Variants in ANKRD13B observed in about 807,000 individuals in gnomAD.
ANKRD13B encodes the protein ankyrin repeat domain-containing protein 13B.
In ANKRD13B, 33 loss-of-function variants were observed where a neutral mutation model predicts 74.4. That is an observed-to-expected ratio of 0.44 (90% CI 0.34 to 0.59). ANKRD13B has a LOEUF of 0.59. ANKRD13B is among the 20% of genes least tolerant of loss of function. ANKRD13B has a pLI of 0.02. For missense variants in ANKRD13B, 676 were observed against 877.9 expected (o/e 0.77, Z 2.91); for synonymous variants, 341 against 362.9 (o/e 0.94, Z 0.68).
At chr17:29,594,175 C>G (rs2033871736) in intron 1 of ANKRD13B, 1 of 152,542 alleles carries the variant, frequency 6.6e-6, no homozygotes, top group African/African-American at 2.4e-5. Flanking sequence ...CCAGCCCCAC[C>G]CAGCGCCCTC....
At position 29,612,956 on chromosome 17, in the gene ANKRD13B, C is replaced by T. The variant is rs1477846197; in HGVS notation, c.1645C>T (p.Gln549Ter). Reference sequence around the variant, plus strand: ...CCCCATGTCCTACGAGGGTCGCCGACAGGACAGGTCAGTGCCCGCTGGGCC... The same window carrying T: ...CCCCATGTCCTACGAGGGTCGCCGATAGGACAGGTCAGTGCCCGCTGGGCC... The part of the protein sequence containing the change: ...THPMSYEGRR[Q>*]DRSAPPTPQR... The change falls in exon 14 of 15, where the codon CAG becomes TAG. Residue 549 changes from glutamine to a stop codon, truncating the protein, a stop_gained. Transcript: ENST00000394859. LOFTEE classifies it high-confidence loss of function. This position sits in a 1 kb window ranked among gnomAD's most constrained non-coding sequence, Gnocchi z 6.1. 2 of 1,597,342 alleles carry T rather than the reference C, an allele frequency of 1.3e-6. No homozygotes were observed. The highest frequency in any genetic ancestry group is 1.7e-6 in the Non-Finnish European group (2 of 1,179,390).
At chr17:29,593,793 T>TG (rs1454684559) in intron 1 of ANKRD13B, 58 bp downstream of exon 1, 1 of 1,070,910 alleles carries the variant, frequency 9.3e-7, no homozygotes, top group Non-Finnish European at 1.2e-6. Flanking sequence ...CCGTCCGGCC[T>TG]GGGGAGGGGG....
At chr17:29,600,472 G>A (rs1349175675) in intron 1 of ANKRD13B, among the ~76,000 whole-genome samples, 1 of 152,198 alleles carries the variant, frequency 6.6e-6, no homozygotes, top group African/African-American at 2.4e-5. Context: ...GGGTTTCACG[G>A]ATCACTGGCT....
rs768077242 is a variant in ANKRD13B at position 29,612,603 on chromosome 17, G to T, written c.1411+49G>T. Reference sequence around the variant, plus strand: ...TGCCCCTCGGCTCTCCCCGGGGTGGGTGGGAGGGGCGCGCCCGGCCGTGCC... The same window carrying T: ...TGCCCCTCGGCTCTCCCCGGGGTGGTTGGGAGGGGCGCGCCCGGCCGTGCC... On this transcript the variant is annotated intron_variant, in intron 12 of 14. Transcript: ENST00000394859. The surrounding 1 kb of genome is among the most constrained non-coding windows in gnomAD (Gnocchi z 6.1). The T allele has an allele frequency of 3.3e-6, 5 of 1,510,870 alleles. No homozygotes were observed. The highest frequency in any genetic ancestry group is 4.4e-6 in the Non-Finnish European group (5 of 1,131,942). The allele number at this position is 1,510,870 out of a possible 1,614,324, so 93.6% of individuals were successfully genotyped here.
chr17:29,593,895 A>ATGGGAGTGGGCCCTGCCCGC, intron 1 of ANKRD13B, 160 bp downstream of exon 1: 2 of 315,500 alleles, frequency 6.3e-6, no homozygotes, highest in Non-Finnish European at 5.6e-6. Context: ...GGAAAGGGTG[A>ATGGGAGTGGGCCCTGCCCGC]TCCCCTCCGG....
At position 29,613,417 on chromosome 17, in the gene ANKRD13B, C is replaced by T; in HGVS notation, c.1716C>T (p.Pro572=). Residue 572 remains proline, a synonymous_variant, in exon 15 of 15, where the codon CCC becomes CCT. Transcript: ENST00000394859. ...CGGCGTCAGTGCCCAGCCCTCGGCCCAGCTCAGGGCCAGGTTCCGGCGGCC... is the reference window on the plus strand; with the variant it reads ...CGGCGTCAGTGCCCAGCCCTCGGCCTAGCTCAGGGCCAGGTTCCGGCGGCC... The part of the protein sequence containing the change: ...APPASVPSPR[P]SSGPGSGGHV... 1 of 1,521,246 alleles carries T rather than the reference C, an allele frequency of 6.6e-7. No individual in the cohort carries two copies. The allele number at this position is 1,521,246 out of a possible 1,614,324, so 94.2% of individuals were successfully genotyped here.
chr17:29,605,411 CACAA>C (rs964411946), intron 1 of ANKRD13B, among the ~76,000 whole-genome samples: 121 of 138,014 alleles, frequency 8.8e-4, no homozygotes, highest in African/African-American at 2.8e-3. Context: ...TATATACACA[CACAA>C]ACACACACAC....
At chr17:29,593,820 C>T (rs1281997450) in intron 1 of ANKRD13B, 85 bp downstream of exon 1, 4 of 772,016 alleles carry the variant, frequency 5.2e-6, no homozygotes, top group Non-Finnish European at 7.0e-6. Context: ...GCGGGCTGTC[C>T]CGCCTCCCTG....
At position 29,608,159 on chromosome 17, in the gene ANKRD13B, A is replaced by C; in HGVS notation, c.376-36A>C. 1.2e-6 allele frequency: 2 copies of C among 1,614,142 alleles called. No individual in the cohort carries two copies. The highest frequency in any genetic ancestry group is 1.7e-6 in the Non-Finnish European group (2 of 1,180,004). ...CACGGGAGCCCTTGAGCCCTTCTCC[A>C]GTGCAGACTTAGCCTCTCTCCCCTT... On this transcript the variant is annotated intron_variant, in intron 3 of 14. Transcript: ENST00000394859. This position sits in a 1 kb window ranked among gnomAD's most constrained non-coding sequence, Gnocchi z 6.4.
intron 1 of ANKRD13B, 130 bp from the exon 2 acceptor site, chr17:29,607,612 T>C: frequency 2.3e-6 from 3 of 1,289,536 alleles, no homozygotes; most frequent in Non-Finnish European, 3.2e-6. Flanking sequence ...TCCGTTGCCT[T>C]GTGAGGTTGG....
At chr17:29,603,555 AT>A (rs2034255741) in intron 1 of ANKRD13B, among the ~76,000 whole-genome samples, 1 of 152,134 alleles carries the variant, frequency 6.6e-6, no homozygotes, top group African/African-American at 2.4e-5. Flanking sequence ...AGCCAACTTT[AT>A]TTTTCAGTAC....
intron 1 of ANKRD13B, among the ~76,000 whole-genome samples, chr17:29,606,985 G>C (rs115688312): frequency 0.036 from 5,532 of 152,024 alleles, 156 homozygotes; most frequent in African/African-American, 0.068. Context: ...GGGAGACGGA[G>C]GTTACAGCGA....
intron 1 of ANKRD13B, among the ~76,000 whole-genome samples, chr17:29,598,574 C>T (rs779575404): frequency 6.8e-6 from 1 of 147,194 alleles, no homozygotes; most frequent in Non-Finnish European, 1.5e-5. Flanking sequence ...CATGAGACAG[C>T]GTCTCACTCT....
chr17:29,612,634 C>A lies in ANKRD13B; in HGVS notation c.1412-18C>A. On this transcript the variant is annotated intron_variant, in intron 12 of 14. Coordinates refer to ENST00000394859, the MANE Select transcript of ANKRD13B (RefSeq NM_152345.5). This position sits in a 1 kb window ranked among gnomAD's most constrained non-coding sequence, Gnocchi z 6.1. ...GGGGCGCGCCCGGCCGTGCCTGACCCAGCCCCCGCGCCCCCAGCCTCCTGC... is the reference window on the plus strand; with the variant it reads ...GGGGCGCGCCCGGCCGTGCCTGACCAAGCCCCCGCGCCCCCAGCCTCCTGC... The A allele has an allele frequency of 6.5e-7, 1 of 1,528,844 alleles. No individual in the cohort carries two copies. Among genetic ancestry groups the A allele is most frequent in the East Asian group, 2.4e-5 (1 of 41,736 alleles). 94.7% of individuals were successfully genotyped at this position (1,528,844 alleles called of 1,614,324 possible). A position where few individuals can be genotyped will look rare whatever the true frequency, so the allele number is the denominator to read the frequency against.
chr17:29,613,030 G>T (rs969540963), intron 14 of ANKRD13B, 67 bp downstream of exon 14: 1 of 1,545,668 alleles, frequency 6.5e-7, no homozygotes, highest in Admixed American at 1.9e-5. Flanking sequence ...CCAGGACACA[G>T]CCGGAGAACC....
chr17:29,599,865 GTTTTTTTTTTTTTTTT>G (rs35600194), intron 1 of ANKRD13B, among the ~76,000 whole-genome samples: 4 of 50,772 alleles, frequency 7.9e-5, no homozygotes, highest in African/African-American at 2.2e-4. Context: ...CATCTAATTT[GTTTTTTTTTTTTTTTT>G]TTTTTTTTTT....
Position 29,609,573 on chromosome 17 carries a change from G to A in ANKRD13B, c.822+152G>A. Reference sequence around the variant, plus strand: ...TATTTGGGTTCAAGGCACTTCTCTGGTGTTTTATATGGATGTATGGATGTA... The same window carrying A: ...TATTTGGGTTCAAGGCACTTCTCTGATGTTTTATATGGATGTATGGATGTA... On this transcript the variant is annotated intron_variant, in intron 7 of 14. Transcript: ENST00000394859. This position sits in a 1 kb window ranked among gnomAD's most constrained non-coding sequence, Gnocchi z 4.0. 1 of 825,222 alleles carries A rather than the reference G, an allele frequency of 1.2e-6. No individual in the cohort carries two copies. The allele number at this position is 825,222 out of a possible 1,614,324, so 51.1% of individuals were successfully genotyped here. A position where few individuals can be genotyped will look rare whatever the true frequency, so the allele number is the denominator to read the frequency against.
At position 29,608,865 on chromosome 17, in the gene ANKRD13B, A is replaced by C; in HGVS notation, c.436A>C (p.Lys146Gln). 6.2e-7 allele frequency: 1 copy of C among 1,614,132 alleles called. No individual in the cohort carries two copies. Among genetic ancestry groups the C allele is most frequent in the Non-Finnish European group, 8.5e-7 (1 of 1,180,022 alleles). The part of the protein sequence containing the change: ...EFTSWVPLVS[K>Q]ICPSDTYKVW... ...GCTTCCACCAGTGCCCCTGGTGTCC[A>C]AGATCTGCCCTAGTGACACCTACAA... is the stretch of plus-strand genomic sequence containing the variant. The change falls in exon 5 of 15, where the codon AAG (lysine) becomes CAG (glutamine). Residue 146 changes from lysine (K) to glutamine (Q), a missense_variant. Physicochemically the swap from Lys to Gln is moderately conservative, Grantham distance 53. Around this residue, in one of 4 missense-constraint regions of ANKRD13B, gnomAD observed 328 missense variants for 518.4 expected, o/e 0.63. Transcript: ENST00000394859. This position sits in a 1 kb window ranked among gnomAD's most constrained non-coding sequence, Gnocchi z 6.4.
chr17:29,597,922 G>A (rs1427008925), intron 1 of ANKRD13B, among the ~76,000 whole-genome samples: 1 of 152,156 alleles, frequency 6.6e-6, no homozygotes, highest in Admixed American at 6.5e-5. Flanking sequence ...GGAGGTGGAG[G>A]CAGCATCTGG....
Sources: gnomAD v4.1 joint callset for allele counts (sites outside exome capture counted in the v4.1 genomes callset) on GRCh38, gnomAD v4.1.1 for gene constraint, gnomAD v4.1.1 regional missense constraint, Gnocchi (gnomAD v3.1) non-coding constraint, MANE v1.5 for transcripts, NCBI Gene and HGNC (gene_info 2026-07-23, HGNC 2026-07-21) for gene names.